WWOX: variants seen among roughly 807,000 people sequenced by gnomAD.
WWOX encodes the protein WW domain containing oxidoreductase.
In WWOX, 69 loss-of-function variants were observed where a neutral mutation model predicts 46.2. The ratio of observed to expected loss-of-function variants is 1.49; its 90% CI spans 1.23 to 1.82. The LOEUF (loss-of-function observed/expected upper bound fraction) is 1.82. Ranked by LOEUF, WWOX falls within the 40% of genes most tolerant of loss-of-function variation. WWOX has a pLI of 0.00. For synonymous variants in WWOX, 359 were observed against 202.6 expected (o/e 1.77, Z -6.56); for missense variants, 919 against 542.6 (o/e 1.69, Z -6.89).
In WWOX at chr16:78,149,882, C is replaced by T. The variant is rs60054568; in HGVS notation, c.410-14301C>T. Among the ~76,000 whole-genome samples the T allele has an allele frequency of 8.0e-3, 1,224 of 152,230 alleles. 21 individuals are homozygous for T. The highest frequency in any genetic ancestry group is 0.028 in the African/African-American group (1,168 of 41,528). On this transcript the variant is annotated intron_variant, in intron 4 of 8. Transcript: ENST00000566780. ...ACCCTAAAGGAAGGAAACACTGTGT[C>T]TTCCTCTTCTCTCATACAGAGCCCT...
At chr16:78,374,492 A>G (rs968105283) in intron 5 of WWOX, among the ~76,000 whole-genome samples, 1 of 113,772 alleles carries the variant, frequency 8.8e-6, no homozygotes, top group Non-Finnish European at 1.8e-5. Flanking sequence ...TTTTGTGTTT[A>G]TGGTGTTTTG....
At chr16:78,902,584 C>G (rs2044857465) in intron 8 of WWOX, among the ~76,000 whole-genome samples, 1 of 152,228 alleles carries the variant, frequency 6.6e-6, no homozygotes, top group South Asian at 2.1e-4. Flanking sequence ...AGTAGAAAAT[C>G]TGACACCAGC....
At chr16:78,869,583 G>T (rs2044081958) in intron 8 of WWOX, among the ~76,000 whole-genome samples, 1 of 152,332 alleles carries the variant, frequency 6.6e-6, no homozygotes, top group Admixed American at 6.5e-5. Flanking sequence ...GTGTTGAAAA[G>T]GATTTTGACA....
intron 5 of WWOX, among the ~76,000 whole-genome samples, chr16:78,247,661 C>T (rs2037854433): frequency 6.6e-6 from 1 of 152,188 alleles, no homozygotes; most frequent in Non-Finnish European, 1.5e-5. Context: ...TGTGACTTTC[C>T]ACTCCTGCGT....
intron 5 of WWOX, among the ~76,000 whole-genome samples, chr16:78,314,712 T>TTTG (rs2080325525): frequency 5.1e-5 from 7 of 138,552 alleles, no homozygotes; most frequent in African/African-American, 2.1e-4. Context: ...TTTTTTTTTT[T>TTTG]TTTTTTTTTC....
intron 8 of WWOX, among the ~76,000 whole-genome samples, chr16:79,198,794 A>G (rs1416915813): frequency 6.6e-6 from 1 of 152,240 alleles, no homozygotes; most frequent in Admixed American, 6.5e-5. Context: ...GTACCCATCA[A>G]ACACTTAATG....
At chr16:78,903,875 C>T (rs776335151) in intron 8 of WWOX, among the ~76,000 whole-genome samples, 44 of 152,154 alleles carry the variant, frequency 2.9e-4, no homozygotes, top group Non-Finnish European at 5.9e-4. Context: ...TGGCAGGGGA[C>T]TGTTGTTATT....
chr16:78,569,189 G>C (rs1318304092), intron 8 of WWOX, among the ~76,000 whole-genome samples: 1 of 152,184 alleles, frequency 6.6e-6, no homozygotes, highest in African/African-American at 2.4e-5. Flanking sequence ...ACTTTCTGTA[G>C]CAAAGATGTA....
chr16:78,822,227 C>G (rs757098201), intron 8 of WWOX, among the ~76,000 whole-genome samples: 2 of 151,946 alleles, frequency 1.3e-5, no homozygotes, highest in South Asian at 2.1e-4. Flanking sequence ...GGTGTGGTGG[C>G]TTACCCCTGT....
chr16:78,735,394 A>AACACAC (rs35975130), intron 8 of WWOX, among the ~76,000 whole-genome samples: 1,903 of 121,368 alleles, frequency 0.016, 46 homozygotes, highest in African/African-American at 0.054. Context: ...ACCACACACA[A>AACACAC]ACACACACAC....
intron 8 of WWOX, among the ~76,000 whole-genome samples, chr16:78,716,116 C>T (rs2048554621): frequency 6.6e-6 from 1 of 151,898 alleles, no homozygotes; most frequent in African/African-American, 2.4e-5. Flanking sequence ...TTAAGATAGG[C>T]CCTAATCCAA....
chr16:78,663,240 G>T (rs553578275), intron 8 of WWOX, among the ~76,000 whole-genome samples: 1 of 152,080 alleles, frequency 6.6e-6, no homozygotes, highest in Non-Finnish European at 1.5e-5. Context: ...GATATAAATG[G>T]AATCATACAA....
rs536998280 is a variant in WWOX at position 78,420,965 on chromosome 16, A to G, written c.606-3905A>G. 2.2e-3 allele frequency among the ~76,000 whole-genome samples: 331 copies of G among 152,240 alleles called. 1 individual carries two copies. The highest frequency in any genetic ancestry group is 3.6e-3 in the Non-Finnish European group (248 of 68,014). On this transcript the variant is annotated intron_variant, in intron 6 of 8. Coordinates refer to ENST00000566780, the MANE Select transcript of WWOX (RefSeq NM_016373.4). Reference sequence around the variant, plus strand: ...ATTTCCTGCTTTTTCAATTAAATTGAGAAAGTTTGGGAACCTCTGGCTTAA... The same window carrying G: ...ATTTCCTGCTTTTTCAATTAAATTGGGAAAGTTTGGGAACCTCTGGCTTAA...
intron 5 of WWOX, among the ~76,000 whole-genome samples, chr16:78,230,099 C>G (rs115572761): frequency 2.0e-5 from 3 of 152,084 alleles, no homozygotes; most frequent in East Asian, 1.9e-4. Flanking sequence ...AGGCTGGTCT[C>G]GATCTCCTGG....
At chr16:78,399,649 C>G (rs572509516) in intron 6 of WWOX, among the ~76,000 whole-genome samples, 1 of 152,304 alleles carries the variant, frequency 6.6e-6, no homozygotes, top group African/African-American at 2.4e-5. Context: ...TCTCAGAGAA[C>G]TCTCGATTTA....
chr16:79,063,647 C>T (rs1247143340), intron 8 of WWOX, among the ~76,000 whole-genome samples: 1 of 152,198 alleles, frequency 6.6e-6, no homozygotes, highest in Non-Finnish European at 1.5e-5. Context: ...CTCTTGCGCG[C>T]TAGAGTGATG....
At chr16:79,025,594 GC>G (rs908014073) in intron 8 of WWOX, among the ~76,000 whole-genome samples, 6 of 152,022 alleles carry the variant, frequency 3.9e-5, no homozygotes, top group African/African-American at 1.4e-4. Context: ...TCTCCTCAGA[GC>G]CCCCAGAAGG....
At position 78,343,061 on chromosome 16, in the gene WWOX, G is replaced by A. The variant is rs771459842; in HGVS notation, c.517-43799G>A. Reference sequence around the variant, plus strand: ...GAACCATGGCCATCCAGTAGGCCACGCAACATTCCCACTGCCATGTTGGCT... The same window carrying A: ...GAACCATGGCCATCCAGTAGGCCACACAACATTCCCACTGCCATGTTGGCT... On this transcript the variant is annotated intron_variant, in intron 5 of 8. Coordinates refer to ENST00000566780, the MANE Select transcript of WWOX (RefSeq NM_016373.4). Among the ~76,000 whole-genome samples, 11 of 121,072 alleles carry A rather than the reference G, an allele frequency of 9.1e-5. 3 individuals are homozygous for A. Among genetic ancestry groups the A allele is most frequent in the East Asian group, 3.9e-4 (2 of 5,178 alleles). 79.4% of individuals were successfully genotyped at this position (121,072 alleles called of 152,430 possible). A position where few individuals can be genotyped will look rare whatever the true frequency, so the allele number is the denominator to read the frequency against.
At chr16:78,321,997 C>G (rs1803591615) in intron 5 of WWOX, among the ~76,000 whole-genome samples, 1 of 152,272 alleles carries the variant, frequency 6.6e-6, no homozygotes, top group African/African-American at 2.4e-5. Flanking sequence ...AACGCAAATT[C>G]AAATCAGTGC....
Sources: gnomAD v4.1 joint callset for allele counts (sites outside exome capture counted in the v4.1 genomes callset) on GRCh38, gnomAD v4.1.1 for gene constraint, MANE v1.5 for transcripts, NCBI Gene and HGNC (gene_info 2026-07-23, HGNC 2026-07-21) for gene names.